The following CACNB2 variants were observed in gnomAD, a reference collection of about 807,000 sequenced individuals.
CACNB2 encodes calcium voltage-gated channel auxiliary subunit beta 2.
In CACNB2, 42 loss-of-function variants were observed where a neutral mutation model predicts 73.3. The ratio of observed to expected loss-of-function variants is 0.57; its 90% confidence interval spans 0.45 to 0.74. The LOEUF is 0.74. Ranked by LOEUF, CACNB2 falls within the 30% of genes least tolerant of loss-of-function variation. The probability of loss-of-function intolerance (pLI) is 0.00; values close to 1 mark genes in which losing one functional copy is unlikely to be tolerated. For synonymous variants in CACNB2, 348 were observed against 310.3 expected, an observed-to-expected ratio of 1.12 and a Z score of -1.28; for missense variants, 940 against 853.0, an observed-to-expected ratio of 1.10 and a Z score of -1.27.
intron 2 of CACNB2, among the ~76,000 whole-genome samples, chr10:18,219,024 G>A (rs896019509): frequency 6.6e-6 from 1 of 152,114 alleles, no homozygotes; most frequent in Non-Finnish European, 1.5e-5. Context: ...AATTAGCCAG[G>A]TGTAATGGTG....
intron 2 of CACNB2, among the ~76,000 whole-genome samples, chr10:18,401,658 C>T (rs1477404312): frequency 6.6e-6 from 1 of 152,184 alleles, no homozygotes; most frequent in African/African-American, 2.4e-5. Context: ...AATTATAAAA[C>T]CAACTTGTTC....
At chr10:18,321,048 A>C (rs1443117245) in intron 2 of CACNB2, among the ~76,000 whole-genome samples, 3 of 152,174 alleles carry the variant, frequency 2.0e-5, no homozygotes, top group Non-Finnish European at 4.4e-5. Flanking sequence ...CACACCACAA[A>C]CTGAAGTATT....
intron 2 of CACNB2, among the ~76,000 whole-genome samples, chr10:18,198,181 A>G (rs1481871367): frequency 6.7e-6 from 1 of 148,766 alleles, no homozygotes; most frequent in Non-Finnish European, 1.5e-5. Flanking sequence ...ATATATTAAC[A>G]TCACATATAT....
At chr10:18,372,760 G>A (rs1031657915) in intron 2 of CACNB2, among the ~76,000 whole-genome samples, 1 of 152,004 alleles carries the variant, frequency 6.6e-6, no homozygotes, top group Non-Finnish European at 1.5e-5. Context: ...TGTGTCCTTG[G>A]ATAAGTTATT....
At chr10:18,375,442 C>G (rs145154447) in intron 2 of CACNB2, among the ~76,000 whole-genome samples, 319 of 152,246 alleles carry the variant, frequency 2.1e-3, no homozygotes, top group Non-Finnish European at 3.8e-3. Context: ...ATTGAGCTTT[C>G]AGACCTATGC....
intron 3 of CACNB2, among the ~76,000 whole-genome samples, chr10:18,454,315 T>G (rs1169876693): frequency 6.6e-6 from 1 of 152,220 alleles, no homozygotes; most frequent in Non-Finnish European, 1.5e-5. Flanking sequence ...AACATTAATG[T>G]TTCATTTAAA....
chr10:18,522,295 T>C (rs554133965), intron 9 of CACNB2, among the ~76,000 whole-genome samples: 112 of 152,030 alleles, frequency 7.4e-4, no homozygotes, highest in Non-Finnish European at 1.4e-3. Flanking sequence ...AGAAAGAAAG[T>C]ACACAATAAA....
At chr10:18,484,716 C>G (rs1259265194) in intron 3 of CACNB2, among the ~76,000 whole-genome samples, 2 of 152,148 alleles carry the variant, frequency 1.3e-5, no homozygotes, top group Non-Finnish European at 2.9e-5. Flanking sequence ...GCCACTCTGT[C>G]CTTTCAACCA....
At chr10:18,538,103 T>TTCC in intron 12 of CACNB2, 77 bp from the exon 13 acceptor site, 1 of 1,410,360 alleles carries the variant, frequency 7.1e-7, no homozygotes, top group South Asian at 1.2e-5. Context: ...CATGAGCCCC[T>TTCC]TCCTCCTCTT....
chr10:18,357,711 C>A (rs2041979363), intron 2 of CACNB2, among the ~76,000 whole-genome samples: 1 of 152,152 alleles, frequency 6.6e-6, no homozygotes, highest in Admixed American at 6.5e-5. Context: ...ACATGAATTC[C>A]AGCAGGATAG....
At chr10:18,169,239 G>A (rs2033072143) in intron 2 of CACNB2, among the ~76,000 whole-genome samples, 2 of 152,142 alleles carry the variant, frequency 1.3e-5, no homozygotes, top group South Asian at 4.2e-4. Flanking sequence ...AGAAGTCAAT[G>A]GTATAGCTGT....
rs75937466 is a variant in CACNB2 at position 18,380,027 on chromosome 10, G to C, written c.214-21897G>C. Among the ~76,000 whole-genome samples, 1,203 of 152,174 alleles carry C rather than the reference G, an allele frequency of 7.9e-3. 8 individuals carry two copies. Among genetic ancestry groups the C allele is most frequent in the Non-Finnish European group, 0.011 (755 of 68,008 alleles). The stretch of plus-strand genomic sequence containing the variant: ...TGTTTCTATGAATTTGACTACACTG[G>C]GGATTTCATATACATGGAATTATAC... On this transcript the variant is annotated intron_variant, in intron 2 of 13. Coordinates refer to ENST00000324631, the MANE Select transcript of CACNB2 (RefSeq NM_201596.3).
intron 2 of CACNB2, among the ~76,000 whole-genome samples, chr10:18,385,035 T>G (rs921711640): frequency 1.3e-5 from 2 of 151,378 alleles, no homozygotes; most frequent in African/African-American, 4.9e-5. Context: ...ATCCCAGCAC[T>G]TTGGGAGGCC....
intron 2 of CACNB2, among the ~76,000 whole-genome samples, chr10:18,344,624 G>A (rs570642633): frequency 7.4e-4 from 112 of 151,934 alleles, no homozygotes; most frequent in African/African-American, 2.6e-3. Context: ...CACCCACCTC[G>A]GCCTCCCAAA....
intron 2 of CACNB2, chr10:18,260,981 T>C: frequency 7.4e-7 from 1 of 1,355,912 alleles, no homozygotes; most frequent in Non-Finnish European, 9.5e-7. Flanking sequence ...TCCGGAAAAT[T>C]AATGCTACTT....
At chr10:18,360,305 G>A (rs974514123) in intron 2 of CACNB2, among the ~76,000 whole-genome samples, 1 of 152,188 alleles carries the variant, frequency 6.6e-6, no homozygotes, top group Admixed American at 6.5e-5. Context: ...ACAGCTTACT[G>A]CAGCCTCAAA....
chr10:18,179,187 G>A (rs1274260363), intron 2 of CACNB2, among the ~76,000 whole-genome samples: 1 of 152,052 alleles, frequency 6.6e-6, no homozygotes, highest in African/African-American at 2.4e-5. Flanking sequence ...TTAGCAAAAG[G>A]AATAACCCTT....
chr10:18,419,844 AG>A (rs2045222395), intron 3 of CACNB2, among the ~76,000 whole-genome samples: 1 of 152,252 alleles, frequency 6.6e-6, no homozygotes, highest in Non-Finnish European at 1.5e-5. Flanking sequence ...CAGCTGTGAC[AG>A]GCTATTAGTA....
intron 2 of CACNB2, chr10:18,401,240 C>A: frequency 9.5e-7 from 1 of 1,048,876 alleles, no homozygotes; most frequent in Non-Finnish European, 1.4e-6. Flanking sequence ...AGGGAGATTC[C>A]TCTCATTTTT....
Sources: allele counts gnomAD v4.1 joint callset (sites outside exome capture counted in the v4.1 genomes callset), GRCh38; gene constraint gnomAD v4.1.1; transcripts MANE v1.5; gene names NCBI Gene and HGNC (gene_info 2026-07-23, HGNC 2026-07-21).